Variants in GCA observed in about 807,000 individuals in gnomAD.
GCA encodes the protein grancalcin, EF-hand calcium-binding protein.
A neutral mutation model predicts 32.6 loss-of-function variants in GCA; 30 were observed. That is an observed-to-expected ratio of 0.92 (90% CI 0.69 to 1.25). The LOEUF is 1.25. Ranked by LOEUF, GCA falls within the 50% of genes most tolerant of loss-of-function variation. GCA has a pLI of 0.00. For synonymous variants in GCA, 102 were observed against 84.6 expected (o/e 1.21, Z -1.13); for missense variants, 291 against 266.8 (o/e 1.09, Z -0.63).
chr2:162,343,329 C>T (rs1449250412), upstream of GCA, among the ~76,000 whole-genome samples: 2 of 151,786 alleles, frequency 1.3e-5, no homozygotes, highest in Non-Finnish European at 2.9e-5. Flanking sequence ...ATTGCTATTA[C>T]TTAATAAGCC....
intron 1 of GCA, among the ~76,000 whole-genome samples, chr2:162,337,906 C>T (rs1684320957): frequency 6.6e-6 from 1 of 152,160 alleles, no homozygotes; most frequent in Non-Finnish European, 1.5e-5. Flanking sequence ...GACAGCACAA[C>T]AGTGAACATT....
chr2:162,344,012 C>A (rs1226717387), upstream of GCA: 19 of 584,794 alleles, frequency 3.2e-5, no homozygotes, highest in Non-Finnish European at 5.2e-5. Context: ...GGCTAGGCTG[C>A]GGGAAGGGGC....
intron 1 of GCA, among the ~76,000 whole-genome samples, chr2:162,323,310 C>T (rs1463316584): frequency 1.3e-5 from 2 of 151,584 alleles, no homozygotes; most frequent in East Asian, 3.9e-4. Context: ...GGATATTAGC[C>T]CTTTGTCGGA....
intron 1 of GCA, among the ~76,000 whole-genome samples, chr2:162,332,057 CCCAGCACTT>C (rs1400053252): frequency 2.6e-5 from 4 of 152,086 alleles, no homozygotes; most frequent in Middle Eastern, 3.4e-3. Flanking sequence ...CGCCTGTAAT[CCCAGCACTT>C]TGGCAGGCCG....
chr2:162,324,709 C>A (rs919223640), intron 1 of GCA, among the ~76,000 whole-genome samples: 17 of 152,216 alleles, frequency 1.1e-4, no homozygotes, highest in African/African-American at 4.1e-4. Context: ...ACACCCTCCT[C>A]TACCCAGCAC....
intron 1 of GCA, among the ~76,000 whole-genome samples, chr2:162,321,045 G>T (rs956376922): frequency 1.3e-5 from 2 of 152,128 alleles, no homozygotes; most frequent in African/African-American, 4.8e-5. Context: ...ATTAGGTGTG[G>T]GTGGAAGGGA....
intron 1 of GCA, among the ~76,000 whole-genome samples, chr2:162,335,100 C>T (rs887758500): frequency 4.6e-5 from 7 of 152,096 alleles, no homozygotes; most frequent in African/African-American, 1.4e-4. Context: ...TCAACATATC[C>T]CACTCCCTAG....
In GCA at chr2:162,356,853, T is replaced by G. The variant is rs1181518605; in HGVS notation, c.402T>G (p.Asp134Glu). 2 of 1,610,724 alleles carry G rather than the reference T, an allele frequency of 1.2e-6. No individual in the cohort carries two copies. Among genetic ancestry groups the G allele is most frequent in the Non-Finnish European group, 1.7e-6 (2 of 1,177,554 alleles). Residue 134 changes from aspartate (D) to glutamate (E), a missense_variant, in exon 5 of 8, where the codon GAT becomes GAG. By Grantham distance (45) the Asp-to-Glu change is conservative. Transcript: ENST00000437150. ...AAAACTTCATGACTGTTGATCAAGATGGAAGTGGCACAGTAGAACATCATG... is the reference window on the plus strand; with the variant it reads ...AAAACTTCATGACTGTTGATCAAGAGGGAAGTGGCACAGTAGAACATCATG... ...WKENFMTVDQDGSGTVEHHEL... is the reference protein window; with the variant it reads ...WKENFMTVDQEGSGTVEHHEL...
Position 162,361,311 on chromosome 2 carries a change from T to C in GCA, c.*1068T>C, listed in dbSNP as rs1685562199. On this transcript the variant is annotated 3_prime_UTR_variant, in exon 8 of 8. Transcript: ENST00000437150. ...ATGCGACGTAGAATCACCAGATCTT[T>C]AGTGTTTAATATCCCTGGTATAAGA... 2 of 984,380 alleles carry C rather than the reference T, an allele frequency of 2.0e-6. No individual in the cohort carries two copies. Among genetic ancestry groups the C allele is most frequent in the South Asian group, 9.4e-5 (2 of 21,284 alleles). 61.0% of individuals were successfully genotyped at this position (984,380 alleles called of 1,614,324 possible).
chr2:162,348,546 G>A (rs79626285), intron 2 of GCA, among the ~76,000 whole-genome samples: 4 of 152,016 alleles, frequency 2.6e-5, no homozygotes, highest in East Asian at 1.9e-4. Context: ...AGTATGTTAC[G>A]ATGTGGTATG....
intron 5 of GCA, 70 bp downstream of exon 5, chr2:162,356,975 C>T: frequency 1.9e-6 from 2 of 1,035,010 alleles, no homozygotes; most frequent in Non-Finnish European, 2.8e-6. Context: ...AACTTAATTG[C>T]TTCAATTTAC....
At chr2:162,346,039 A>G (rs1359928628) in intron 1 of GCA, among the ~76,000 whole-genome samples, 2 of 152,184 alleles carry the variant, frequency 1.3e-5, no homozygotes, top group African/African-American at 4.8e-5. Context: ...AATTGTTTAT[A>G]AAAATTGTAT....
chr2:162,366,292 T>C (rs1685747890), downstream of GCA, among the ~76,000 whole-genome samples: 1 of 151,834 alleles, frequency 6.6e-6, no homozygotes, highest in African/African-American at 2.4e-5. Flanking sequence ...ATTTAAAAGT[T>C]TGATCATGAA....
Position 162,332,017 on chromosome 2 carries a change from T to TA in GCA, c.-31+12793dup, listed in dbSNP as rs543930357. ...AAAACCTATTAGGCATTATATAAAA[T>TA]ACACAACTTCTGCTGGGTGTGGTGG... On this transcript the variant is annotated intron_variant, in intron 1 of 4. Transcript: ENST00000429691. Among the ~76,000 whole-genome samples, 290 of 152,208 alleles carry TA rather than the reference T, an allele frequency of 1.9e-3. 1 individual carries two copies. Among genetic ancestry groups the TA allele is most frequent in the African/African-American group, 6.5e-3 (270 of 41,526 alleles).
chr2:162,364,735 G>A (rs1031292528), downstream of GCA, among the ~76,000 whole-genome samples: 6 of 151,440 alleles, frequency 4.0e-5, no homozygotes, highest in Admixed American at 4.0e-4. Context: ...AGAAGCAACA[G>A]GGGGAGGAAT....
chr2:162,359,139 A>G lies in GCA; in HGVS notation c.550A>G (p.Lys184Glu). The change falls in exon 6 of 8, where the codon AAG becomes GAG. Residue 184 changes from lysine (K) to glutamate (E), a missense_variant. Transcript: ENST00000437150. ...TGATGATTATGTTGCTTGCTGTGTG[A>G]AGCTTCGAGCATTGACAGGTATTGA... ...FFDDYVACCVKLRALTDFFRK... is the reference protein window; with the variant it reads ...FFDDYVACCVELRALTDFFRK... The G allele has an allele frequency of 6.2e-7, 1 of 1,600,362 alleles. No homozygotes were observed. The highest frequency in any genetic ancestry group is 8.6e-7 in the Non-Finnish European group (1 of 1,168,796).
At chr2:162,339,863 G>A (rs989445431), upstream of GCA, among the ~76,000 whole-genome samples, 3 of 152,126 alleles carry the variant, frequency 2.0e-5, no homozygotes, top group African/African-American at 7.2e-5. Context: ...ACAGCCTATG[G>A]TATTTTGTTA....
chr2:162,329,272 A>T (rs535634426), intron 1 of GCA, among the ~76,000 whole-genome samples: 8 of 152,154 alleles, frequency 5.3e-5, no homozygotes, highest in Non-Finnish European at 7.4e-5. Flanking sequence ...AAGGGACCAG[A>T]TTCTTCCCTT....
intron 3 of GCA, among the ~76,000 whole-genome samples, chr2:162,353,598 T>G (rs551491482): frequency 1.2e-4 from 18 of 152,228 alleles, no homozygotes; most frequent in Non-Finnish European, 2.5e-4. Flanking sequence ...CAAGTAGAAT[T>G]TTAAAGGTAT....
Sources: gnomAD v4.1 joint callset for allele counts (sites outside exome capture counted in the v4.1 genomes callset) on GRCh38, gnomAD v4.1.1 for gene constraint, MANE v1.5 for transcripts, NCBI Gene and HGNC (gene_info 2026-07-23, HGNC 2026-07-21) for gene names.